CLCN3: variants seen among roughly 807,000 people sequenced by gnomAD.
The protein encoded by CLCN3 is Cl-/H+ antiporter 3.
CLCN3 carries 16 observed loss-of-function variants against 83.4 expected under a neutral mutation model. The ratio of observed to expected loss-of-function variants is 0.19; its 90% confidence interval spans 0.13 to 0.29. The LOEUF (loss-of-function observed/expected upper bound fraction) is 0.29, where lower values mean the gene tolerates loss of function less well. Ranked by LOEUF, CLCN3 falls within the 10% of genes least tolerant of loss-of-function variation. The pLI, the probability that CLCN3 is intolerant of heterozygous loss-of-function variation, is 1.00. For synonymous variants in CLCN3, 322 were observed against 346.2 expected (o/e 0.93, Z 0.78); for missense variants, 544 against 1,006.0 (o/e 0.54, Z 6.21).
intron 2 of CLCN3, 23 bp downstream of exon 2, chr4:169,636,111 A>G: frequency 6.3e-7 from 1 of 1,592,162 alleles, no homozygotes; most frequent in Non-Finnish European, 8.6e-7. Flanking sequence ...TGACAGCCTA[A>G]TGTTTGTATT....
chr4:169,672,555 C>T (rs902235898), intron 2 of CLCN3, among the ~76,000 whole-genome samples: 2 of 152,002 alleles, frequency 1.3e-5, no homozygotes, highest in South Asian at 2.1e-4. Flanking sequence ...AAGATGAAAT[C>T]GAGAGGTGAA....
At chr4:169,683,165 A>G (rs1732014014) in intron 3 of CLCN3, among the ~76,000 whole-genome samples, 1 of 152,170 alleles carries the variant, frequency 6.6e-6, no homozygotes, top group African/African-American at 2.4e-5. Context: ...TATCCATGAC[A>G]CTATGTTCAT....
At chr4:169,637,639 G>T (rs895023284) in intron 2 of CLCN3, among the ~76,000 whole-genome samples, 1 of 150,814 alleles carries the variant, frequency 6.6e-6, no homozygotes, top group Non-Finnish European at 1.5e-5. Context: ...TATTCTTAGT[G>T]TTTTTTTTTG....
At position 169,650,254 on chromosome 4, in the gene CLCN3, AAC is replaced by A. The variant is rs767447258; in HGVS notation, c.160+14170_160+14171del. Among the ~76,000 whole-genome samples, 3 of 152,318 alleles carry A rather than the reference AAC, an allele frequency of 2.0e-5. No individual in the cohort carries two copies. The South Asian group carries it at 6.2e-4, about 32-fold the overall frequency. On this transcript the variant is annotated intron_variant, in intron 2 of 12. Coordinates refer to ENST00000513761, the MANE Select transcript of CLCN3 (RefSeq NM_001829.4). ...ACAATCCAAGAAAGGTGTTTTAGGA[AAC>A]ACAGTATTCTCGTATGTAGATTTAT...
intron 7 of CLCN3, among the ~76,000 whole-genome samples, chr4:169,692,852 G>A (rs1732422505): frequency 6.6e-6 from 1 of 152,138 alleles, no homozygotes; most frequent in Non-Finnish European, 1.5e-5. Context: ...CTTTTCATTT[G>A]ATTGTTTAAG....
chr4:169,693,445 C>G (rs567106120), intron 7 of CLCN3, among the ~76,000 whole-genome samples: 2 of 152,134 alleles, frequency 1.3e-5, no homozygotes, highest in Non-Finnish European at 2.9e-5. Flanking sequence ...GCCCTGTTAT[C>G]CTCATTTAGT....
chr4:169,713,604 G>C (rs148553295), intron 12 of CLCN3, among the ~76,000 whole-genome samples: 1 of 152,318 alleles, frequency 6.6e-6, no homozygotes, highest in Non-Finnish European at 1.5e-5. Flanking sequence ...TCCTAGGGAA[G>C]AGTGGACCTA....
chr4:169,718,672 C>T (rs895480726), intron 12 of CLCN3, among the ~76,000 whole-genome samples: 4 of 152,072 alleles, frequency 2.6e-5, no homozygotes, highest in African/African-American at 7.2e-5. Context: ...AATTAATGCC[C>T]GAAATTATTT....
chr4:169,672,513 G>A (rs1731511695), intron 2 of CLCN3, among the ~76,000 whole-genome samples: 1 of 151,984 alleles, frequency 6.6e-6, no homozygotes, highest in African/African-American at 2.4e-5. Context: ...TGCTGTGACG[G>A]TACCTAAAAG....
intron 2 of CLCN3, among the ~76,000 whole-genome samples, chr4:169,637,287 A>ATT (rs56950593): frequency 6.6e-6 from 1 of 151,506 alleles, no homozygotes; most frequent in Admixed American, 6.6e-5. Flanking sequence ...ATTCTGTGGT[A>ATT]TTTTTTTTAC....
Position 169,690,658 on chromosome 4 carries a change from C to A in CLCN3, c.729+6C>A, listed in dbSNP as rs749215608. 38 of 1,607,674 alleles carry A rather than the reference C, an allele frequency of 2.4e-5. No homozygotes were observed. Among genetic ancestry groups the A allele is most frequent in the Non-Finnish European group, 3.0e-5 (35 of 1,176,898 alleles). On this transcript the variant is annotated splice_donor_region_variant and intron_variant, in intron 6 of 12. Transcript: ENST00000513761. Reference sequence around the variant, plus strand: ...GTGGCTCTGGAATTCCAGAGGTAAGCCAAGTAATATTTAGTGTCATTAAAC... The same window carrying A: ...GTGGCTCTGGAATTCCAGAGGTAAGACAAGTAATATTTAGTGTCATTAAAC...
At chr4:169,718,104 A>G (rs558835905) in intron 12 of CLCN3, among the ~76,000 whole-genome samples, 1 of 152,308 alleles carries the variant, frequency 6.6e-6, no homozygotes, top group East Asian at 1.9e-4. Context: ...ATTCATTACA[A>G]TTTCAGAACT....
At chr4:169,650,366 CAG>C (rs1014422469) in intron 2 of CLCN3, among the ~76,000 whole-genome samples, 52 of 152,242 alleles carry the variant, frequency 3.4e-4, no homozygotes, top group African/African-American at 1.2e-3. Context: ...GGCTTTGCTA[CAG>C]AGTTTCAAAG....
intron 4 of CLCN3, among the ~76,000 whole-genome samples, chr4:169,688,100 T>C (rs11939557): frequency 0.08 from 12,152 of 152,282 alleles, 1,594 homozygotes; most frequent in African/African-American, 0.27. Context: ...TGTTGTACAC[T>C]GTTCTAAAAA....
chr4:169,688,975 A>G, intron 4 of CLCN3, 68 bp from the exon 5 acceptor site: 2 of 1,379,380 alleles, frequency 1.4e-6, no homozygotes, highest in African/African-American at 2.9e-5. Flanking sequence ...CTTGCCTTTT[A>G]ACTAGATTGT....
intron 10 of CLCN3, among the ~76,000 whole-genome samples, 185 bp downstream of exon 10, chr4:169,704,369 TC>T (rs924239213): frequency 2.0e-5 from 3 of 152,352 alleles, no homozygotes; most frequent in Non-Finnish European, 2.9e-5. Flanking sequence ...CGGTTTTCTG[TC>T]TTACAACATT....
chr4:169,657,554 C>G (rs181951993), intron 2 of CLCN3, among the ~76,000 whole-genome samples: 1 of 152,258 alleles, frequency 6.6e-6, no homozygotes, highest in East Asian at 1.9e-4. Flanking sequence ...ATTACTGTTA[C>G]AAGGGGCGGC....
intron 2 of CLCN3, among the ~76,000 whole-genome samples, chr4:169,641,875 A>G (rs1159158610): frequency 6.6e-6 from 1 of 152,200 alleles, no homozygotes. Flanking sequence ...CTCATTAGGT[A>G]AAACCATAAT....
chr4:169,667,140 T>C (rs545476743), intron 2 of CLCN3, among the ~76,000 whole-genome samples: 2 of 152,222 alleles, frequency 1.3e-5, no homozygotes, highest in Non-Finnish European at 2.9e-5. Flanking sequence ...GCTCTTTAGA[T>C]CTAGGATCCA....
Sources: allele counts gnomAD v4.1 joint callset (sites outside exome capture counted in the v4.1 genomes callset), GRCh38; gene constraint gnomAD v4.1.1; transcripts MANE v1.5; gene names NCBI Gene and HGNC (gene_info 2026-07-23, HGNC 2026-07-21).